HEG1: variants seen among roughly 807,000 people sequenced by gnomAD.
HEG1 encodes protein HEG homolog 1.
In HEG1, 56 loss-of-function variants were observed where a neutral mutation model predicts 125.6. The ratio of observed to expected loss-of-function variants is 0.45; its 90% CI spans 0.36 to 0.56. The LOEUF is 0.56. Among genes scored for constraint, HEG1 ranks in the 20% least tolerant of loss-of-function variants. The pLI is 0.00. For synonymous variants in HEG1, 644 were observed against 668.5 expected, an observed-to-expected ratio of 0.96 and a Z score of 0.57; for missense variants, 1,523 against 1,670.0, an observed-to-expected ratio of 0.91 and a Z score of 1.53.
intron 1 of HEG1, among the ~76,000 whole-genome samples, chr3:125,052,145 C>T (rs183625251): frequency 1.3e-5 from 2 of 151,608 alleles, no homozygotes; most frequent in Non-Finnish European, 2.9e-5. Context: ...CGCCTCCCCC[C>T]CTTCTATTTG....
intron 3 of HEG1, among the ~76,000 whole-genome samples, chr3:125,025,377 G>C (rs1937402147): frequency 6.6e-6 from 1 of 152,178 alleles, no homozygotes; most frequent in Admixed American, 6.5e-5. Flanking sequence ...ATCTAAAAGG[G>C]TGGTGGGACT....
At chr3:125,014,818 C>A in intron 5 of HEG1, 1 of 1,289,874 alleles carries the variant, frequency 7.8e-7, no homozygotes, top group Non-Finnish European at 1.0e-6. Context: ...ATGGCCGCTG[C>A]AGGGCTGCCT....
At chr3:124,977,210 A>C (rs1936562683) in intron 15 of HEG1, among the ~76,000 whole-genome samples, 2 of 152,206 alleles carry the variant, frequency 1.3e-5, no homozygotes, top group South Asian at 2.1e-4. Context: ...AGGCTTCCCC[A>C]GCCACTTGGA....
At position 125,021,121 on chromosome 3, in the gene HEG1, C is replaced by G; in HGVS notation, c.923G>C (p.Ser308Thr). 1 of 1,557,070 alleles carries G rather than the reference C, an allele frequency of 6.4e-7. No individual in the cohort carries two copies. Among genetic ancestry groups the G allele is most frequent in the Non-Finnish European group, 8.7e-7 (1 of 1,147,500 alleles). ...AGTGGAGTTGTTAAGCTTCTCTGTA[C>G]TTTCAGAAGCTACAATGGAAAAAGA... ...PLLDLSSSSE[S>T]TEKLNNSTGL... Residue 308 changes from serine to threonine, a missense_variant, in exon 4 of 17, where the codon AGT becomes ACT. By Grantham distance (58) the Ser-to-Thr change is moderately conservative. Transcript: ENST00000311127.
Position 125,013,859 on chromosome 3 carries a change from T to A in HEG1, c.1720A>T (p.Asn574Tyr). 1 of 1,613,924 alleles carries A rather than the reference T, an allele frequency of 6.2e-7. No individual in the cohort carries two copies. Among genetic ancestry groups the A allele is most frequent in the South Asian group, 1.1e-5 (1 of 91,072 alleles). Residue 574 changes from asparagine (N) to tyrosine (Y), a missense_variant, in exon 6 of 17, where the codon AAC (asparagine) becomes TAC (tyrosine). Transcript: ENST00000311127. ...GERALLSITD[N>Y]SSSSDIVESS... is the part of the protein sequence containing the mutation. ...TCCACAATGTCTGAGGATGAACTGT[T>A]ATCTGTAATGGACAGTAACGCCCGT...
At chr3:124,985,297 G>A (rs1243429298) in intron 14 of HEG1, among the ~76,000 whole-genome samples, 2 of 152,012 alleles carry the variant, frequency 1.3e-5, no homozygotes, top group African/African-American at 4.8e-5. Context: ...TGGTGAGACT[G>A]TTTACTCTCC....
chr3:125,022,100 C>T (rs1937344226), intron 3 of HEG1, among the ~76,000 whole-genome samples: 1 of 152,134 alleles, frequency 6.6e-6, no homozygotes, highest in South Asian at 2.1e-4. Context: ...TGAGAACTGA[C>T]CTCCAGAAAG....
chr3:125,039,691 G>A (rs772404994), intron 1 of HEG1, among the ~76,000 whole-genome samples: 2 of 152,198 alleles, frequency 1.3e-5, no homozygotes, highest in Middle Eastern at 3.4e-3. Flanking sequence ...TAGCACATGG[G>A]GAAACTGAGG....
chr3:124,972,351 T>C (rs571920122), intron 16 of HEG1, among the ~76,000 whole-genome samples: 178 of 152,352 alleles, frequency 1.2e-3, no homozygotes, highest in African/African-American at 3.5e-3. Flanking sequence ...ACTTTCCTGA[T>C]AAACAGAGAA....
chr3:125,037,679 C>T (rs190519706), intron 1 of HEG1, among the ~76,000 whole-genome samples: 19 of 152,364 alleles, frequency 1.2e-4, no homozygotes, highest in African/African-American at 4.6e-4. Flanking sequence ...TCTGTGGTTA[C>T]ACCTCCACTT....
At chr3:124,973,972 T>A (rs1936491433) in intron 15 of HEG1, 67 bp from the exon 16 acceptor site, 2 of 1,047,920 alleles carry the variant, frequency 1.9e-6, no homozygotes, top group Non-Finnish European at 2.8e-6. Context: ...AAGCACCAAC[T>A]ATGATTTTAT....
In HEG1 at chr3:124,996,218, G is replaced by C. The variant is rs1012247757; in HGVS notation, c.3652+1471C>G. ...TCCTGCCTCAGCTTCCCGAGTAGCT[G>C]GGATTACAGGCATGCGTCATCACAC... is the stretch of plus-strand genomic sequence containing the variant. On this transcript the variant is annotated intron_variant, in intron 12 of 16. Transcript: ENST00000311127. Among the ~76,000 whole-genome samples the C allele has an allele frequency of 4.6e-5, 7 of 152,078 alleles. No homozygotes were observed. In the South Asian group the frequency reaches 6.2e-4, roughly 14 times the overall value.
Position 125,053,886 on chromosome 3 carries a change from G to A in HEG1, c.316+1689C>T, listed in dbSNP as rs570807109. ...CCTGTAATACCTACCTCTCTCTAGAGATCCCGCCCCTAAGAGAAGGAAAGA... is the reference window on the plus strand; with the variant it reads ...CCTGTAATACCTACCTCTCTCTAGAAATCCCGCCCCTAAGAGAAGGAAAGA... On this transcript the variant is annotated intron_variant, in intron 1 of 16. Coordinates refer to ENST00000311127, the MANE Select transcript of HEG1 (RefSeq NM_020733.2). Among the ~76,000 whole-genome samples, 11 of 152,270 alleles carry A rather than the reference G, an allele frequency of 7.2e-5. No homozygotes were observed. In the South Asian group the frequency reaches 2.3e-3, roughly 32 times the overall value.
chr3:125,004,550 T>A (rs969437940), intron 9 of HEG1, among the ~76,000 whole-genome samples: 32 of 152,174 alleles, frequency 2.1e-4, no homozygotes, highest in Non-Finnish European at 2.9e-5. Context: ...AGTGCAGTTG[T>A]TCGATCACGG....
intron 14 of HEG1, among the ~76,000 whole-genome samples, chr3:124,981,272 G>A (rs1478237591): frequency 1.4e-5 from 2 of 141,110 alleles, no homozygotes; most frequent in South Asian, 2.2e-4. Context: ...TAAAGTCACA[G>A]TCAACTCGAC....
At chr3:125,015,742 G>A (rs1437824171) in intron 5 of HEG1, among the ~76,000 whole-genome samples, 1 of 151,978 alleles carries the variant, frequency 6.6e-6, no homozygotes, top group African/African-American at 2.4e-5. Context: ...ATGAAAATGA[G>A]GTCCAATTCT....
rs758508010 is a variant in HEG1, at chr3:125,013,856, T to C, written c.1723A>G (p.Ser575Gly). ...CTCTCCACAATGTCTGAGGATGAAC[T>C]GTTATCTGTAATGGACAGTAACGCC... ...ERALLSITDN[S>G]SSSDIVESST... Residue 575 changes from serine (S) to glycine (G), a missense_variant, in exon 6 of 17, where the codon AGT (serine) becomes GGT (glycine). Physicochemically the swap from Ser to Gly is moderately conservative, Grantham distance 56. Coordinates refer to ENST00000311127, the MANE Select transcript of HEG1 (RefSeq NM_020733.2). 5.0e-6 allele frequency: 8 copies of C among 1,613,926 alleles called. No individual in the cohort carries two copies. The highest frequency in any genetic ancestry group is 1.1e-5 in the South Asian group (1 of 91,082).
Position 125,055,716 on chromosome 3 carries a change from G to C in HEG1, c.175C>G (p.Arg59Gly). 1 of 1,062,630 alleles carries C rather than the reference G, an allele frequency of 9.4e-7. No homozygotes were observed. The highest frequency in any genetic ancestry group is 1.1e-6 in the Non-Finnish European group (1 of 881,688). 65.8% of individuals were successfully genotyped at this position (1,062,630 alleles called of 1,614,324 possible). The change falls in exon 1 of 17, where the codon CGC becomes GGC. Residue 59 changes from arginine (R) to glycine (G), a missense_variant. Coordinates refer to ENST00000311127, the MANE Select transcript of HEG1 (RefSeq NM_020733.2). ...GAGLELQLER[R>G]PEREPPPTPP... ...GTGGGCGGCGGCTCGCGCTCCGGGCGGCGCTCCAGCTGCAGCTCCAGCCCC... is the reference window on the plus strand; with the variant it reads ...GTGGGCGGCGGCTCGCGCTCCGGGCCGCGCTCCAGCTGCAGCTCCAGCCCC...
intron 1 of HEG1, among the ~76,000 whole-genome samples, chr3:125,048,688 G>A (rs1937734967): frequency 6.6e-6 from 1 of 152,250 alleles, no homozygotes; most frequent in South Asian, 2.1e-4. Context: ...AGCTCTTTGA[G>A]GGTGTTAAGC....
Sources: gnomAD v4.1 joint callset for allele counts (sites outside exome capture counted in the v4.1 genomes callset) on GRCh38, gnomAD v4.1.1 for gene constraint, MANE v1.5 for transcripts, NCBI Gene and HGNC (gene_info 2026-07-23, HGNC 2026-07-21) for gene names.